The following RALGAPA2 variants were observed in gnomAD, a reference collection of about 807,000 sequenced individuals.
The protein encoded by RALGAPA2 is ral GTPase-activating protein subunit alpha-2.
Under a neutral mutation model 230.4 loss-of-function variants are expected in RALGAPA2, and 139 were observed. The observed-to-expected ratio is 0.60, with a 90% CI of 0.53 to 0.69. RALGAPA2 has a LOEUF of 0.69. Ranked by LOEUF, RALGAPA2 falls within the 30% of genes least tolerant of loss-of-function variation. The pLI is 0.00. For missense variants in RALGAPA2, 2,163 were observed against 2,276.0 expected, an observed-to-expected ratio of 0.95 and a Z score of 1.01; for synonymous variants, 847 against 837.8, an observed-to-expected ratio of 1.01 and a Z score of -0.19.
At chr20:20,651,560 C>G (rs752441163) in intron 4 of RALGAPA2, among the ~76,000 whole-genome samples, 1 of 152,144 alleles carries the variant, frequency 6.6e-6, no homozygotes, top group Non-Finnish European at 1.5e-5. Flanking sequence ...TGCTGCCAAA[C>G]TGGGTAAAAA....
At chr20:20,552,301 C>T (rs925007558) in intron 23 of RALGAPA2, among the ~76,000 whole-genome samples, 4 of 152,140 alleles carry the variant, frequency 2.6e-5, no homozygotes, top group Non-Finnish European at 5.9e-5. Context: ...GCAAACAGAT[C>T]CAGTTATTCC....
At chr20:20,673,469 A>G (rs1391293626) in intron 3 of RALGAPA2, among the ~76,000 whole-genome samples, 1 of 152,042 alleles carries the variant, frequency 6.6e-6, no homozygotes, top group African/African-American at 2.4e-5. Flanking sequence ...ATGACTCTCC[A>G]AAGAGATGCT....
At chr20:20,415,626 C>A (rs2060149803) in intron 37 of RALGAPA2, among the ~76,000 whole-genome samples, 1 of 152,178 alleles carries the variant, frequency 6.6e-6, no homozygotes, top group African/African-American at 2.4e-5. Context: ...AAGAGACAGG[C>A]CTGTAGTCCC....
chr20:20,579,327 T>C (rs2064914747), intron 20 of RALGAPA2, among the ~76,000 whole-genome samples: 1 of 152,194 alleles, frequency 6.6e-6, no homozygotes, highest in Non-Finnish European at 1.5e-5. Context: ...CCTGCAATAT[T>C]CTCGGAAGCA....
rs925196703 is a variant in RALGAPA2 at position 20,585,035 on chromosome 20, T to C, written c.2440-80A>G. 1.2e-5 allele frequency: 10 copies of C among 819,248 alleles called. No homozygotes were observed. In the African/African-American group the frequency reaches 1.4e-4, roughly 11 times the overall value. The allele number at this position is 819,248 out of a possible 1,614,324, so 50.7% of individuals were successfully genotyped here. A position where few individuals can be genotyped will look rare whatever the true frequency, so the allele number is the denominator to read the frequency against. On this transcript the variant is annotated intron_variant, in intron 18 of 39. Transcript: ENST00000202677. The stretch of plus-strand genomic sequence containing the variant: ...GACTTAAGTTTCTAGCCCAAATTTC[T>C]AAAGAAAAAGAAACAAATAATAATA...
chr20:20,568,162 T>C (rs941700362), intron 23 of RALGAPA2, among the ~76,000 whole-genome samples: 9 of 152,246 alleles, frequency 5.9e-5, no homozygotes, highest in Admixed American at 5.9e-4. Flanking sequence ...TATAGTTATT[T>C]TGGAACTGTT....
At chr20:20,445,528 G>A (rs998588304) in intron 37 of RALGAPA2, among the ~76,000 whole-genome samples, 2 of 152,062 alleles carry the variant, frequency 1.3e-5, no homozygotes, top group African/African-American at 2.4e-5. Context: ...CTCAGAAATG[G>A]GTGCTTCTTC....
intron 35 of RALGAPA2, among the ~76,000 whole-genome samples, chr20:20,496,271 G>T (rs1015200663): frequency 2.0e-5 from 3 of 152,152 alleles, no homozygotes; most frequent in Admixed American, 6.5e-5. Flanking sequence ...AGTTCTTTCA[G>T]GCCCAGGCTC....
intron 32 of RALGAPA2, among the ~76,000 whole-genome samples, chr20:20,511,797 C>T (rs2062711885): frequency 6.6e-6 from 1 of 152,182 alleles, no homozygotes; most frequent in Non-Finnish European, 1.5e-5. Context: ...GGTCTATCTC[C>T]CACATCAGAC....
Position 20,712,345 on chromosome 20 carries a change from C to T in RALGAPA2, c.106+30G>A, listed in dbSNP as rs964975655. ...CCGGCAGGTGCCCCTAACCCGGCGC[C>T]CCGACCCCCGCGCCCGGCGCGCGCC... is the stretch of plus-strand genomic sequence containing the variant. On this transcript the variant is annotated intron_variant, in intron 1 of 39. Transcript: ENST00000202677. The surrounding 1 kb of genome is among the most constrained non-coding windows in gnomAD (Gnocchi z 5.5). 1.1e-5 allele frequency: 17 copies of T among 1,543,776 alleles called. No individual in the cohort carries two copies. The highest frequency in any genetic ancestry group is 1.3e-5 in the Non-Finnish European group (15 of 1,143,576).
At chr20:20,550,109 C>A (rs1225814685) in intron 23 of RALGAPA2, among the ~76,000 whole-genome samples, 1 of 152,048 alleles carries the variant, frequency 6.6e-6, no homozygotes, top group Non-Finnish European at 1.5e-5. Context: ...AAGCACTATA[C>A]CCAATTTGTA....
intron 32 of RALGAPA2, among the ~76,000 whole-genome samples, chr20:20,512,223 C>CCACACACACACACACA (rs2062727247): frequency 7.4e-6 from 1 of 135,650 alleles, no homozygotes; most frequent in East Asian, 2.5e-4. Context: ...ACAACCCCCC[C>CCACACACACACACACA]TACACACACA....
At chr20:20,403,609 G>A (rs538516867) in intron 38 of RALGAPA2, among the ~76,000 whole-genome samples, 18 of 152,248 alleles carry the variant, frequency 1.2e-4, no homozygotes, top group African/African-American at 2.4e-4. Context: ...ACCCTGGTCC[G>A]GAGCGCCCAG....
intron 20 of RALGAPA2, among the ~76,000 whole-genome samples, chr20:20,578,595 A>T (rs1343527816): frequency 1.3e-5 from 2 of 152,196 alleles, no homozygotes; most frequent in Non-Finnish European, 2.9e-5. Context: ...GTAGTTGGCA[A>T]AATAAGCATT....
rs562529341 is a variant in RALGAPA2 at position 20,700,790 on chromosome 20, A to C, written c.106+11585T>G. Reference sequence around the variant, plus strand: ...GTCTGATAATGAATGTGTGTAAGCAAAGGAGATTAGAGAATTCATTTGGGA... The same window carrying C: ...GTCTGATAATGAATGTGTGTAAGCACAGGAGATTAGAGAATTCATTTGGGA... On this transcript the variant is annotated intron_variant, in intron 1 of 39. Coordinates refer to ENST00000202677, the MANE Select transcript of RALGAPA2 (RefSeq NM_020343.4). Among the ~76,000 whole-genome samples, 4 of 152,326 alleles carry C rather than the reference A, an allele frequency of 2.6e-5. 1 individual carries two copies. The Middle Eastern group carries it at 0.014, about 518-fold the overall frequency.
intron 3 of RALGAPA2, among the ~76,000 whole-genome samples, chr20:20,664,808 T>G (rs909921015): frequency 6.6e-6 from 1 of 152,140 alleles, no homozygotes; most frequent in Non-Finnish European, 1.5e-5. Context: ...TTCAGAGGAT[T>G]TAAACTCCTG....
Position 20,707,005 on chromosome 20 carries a change from T to C in RALGAPA2, c.106+5370A>G, listed in dbSNP as rs1325505593. On this transcript the variant is annotated intron_variant, in intron 1 of 39. Transcript: ENST00000202677. ...ATTTCATTAAGGTCCAGATCCCATGTCCCACAACCCCCCAGACACGCCACT... is the reference window on the plus strand; with the variant it reads ...ATTTCATTAAGGTCCAGATCCCATGCCCCACAACCCCCCAGACACGCCACT... 5.9e-5 allele frequency among the ~76,000 whole-genome samples: 9 copies of C among 152,278 alleles called. No homozygotes were observed. The East Asian group carries it at 1.7e-3, about 29-fold the overall frequency.
At chr20:20,490,146 G>C (rs186143169) in intron 36 of RALGAPA2, among the ~76,000 whole-genome samples, 121 of 152,244 alleles carry the variant, frequency 7.9e-4, no homozygotes, top group African/African-American at 2.5e-3. Flanking sequence ...ATAAATAAAC[G>C]TTCTTTAGTA....
rs945590783 is a variant in RALGAPA2 at position 20,620,766 on chromosome 20, G to A, written c.1234-136C>T. The A allele has an allele frequency of 1.8e-5, 12 of 669,748 alleles. No individual in the cohort carries two copies. In the Admixed American group the frequency reaches 2.7e-4, roughly 15 times the overall value. The allele number at this position is 669,748 out of a possible 1,614,324, so 41.5% of individuals were successfully genotyped here. ...CACAGCTTATAAATATACTACACAG[G>A]GCCACAAATCTTTGTGCACACCAAA... On this transcript the variant is annotated intron_variant, in intron 10 of 39. Transcript: ENST00000202677.
Sources: gnomAD v4.1 joint callset for allele counts (sites outside exome capture counted in the v4.1 genomes callset) on GRCh38, gnomAD v4.1.1 for gene constraint, Gnocchi (gnomAD v3.1) non-coding constraint, MANE v1.5 for transcripts, NCBI Gene and HGNC (gene_info 2026-07-23, HGNC 2026-07-21) for gene names.